Variants in B4GALT7 observed in about 807,000 individuals in gnomAD.
B4GALT7 encodes the protein UDP-Gal:beta-GlcNAc beta-1,4-galactosyltransferase 7.
A neutral mutation model predicts 33.0 loss-of-function variants in B4GALT7; 30 were observed. The ratio of observed to expected loss-of-function variants is 0.91; its 90% confidence interval spans 0.68 to 1.23. The LOEUF is 1.23. Among genes scored for constraint, B4GALT7 ranks in the 50% most tolerant of loss-of-function variants. The probability of loss-of-function intolerance (pLI) is 0.00; values close to 1 mark genes in which losing one functional copy is unlikely to be tolerated. For missense variants in B4GALT7, 507 were observed against 450.8 expected (o/e 1.12, Z -1.13); for synonymous variants, 213 against 187.2 (o/e 1.14, Z -1.13).
At position 177,608,487 on chromosome 5, in the gene B4GALT7, G is replaced by GCCCCC. The variant is rs71585644; in HGVS notation, c.640-45_640-41dup. On this transcript the variant is annotated intron_variant, in intron 3 of 5. Coordinates refer to ENST00000029410, the MANE Select transcript of B4GALT7 (RefSeq NM_007255.3). This position sits in a 1 kb window ranked among gnomAD's most constrained non-coding sequence, Gnocchi z 4.1. Reference sequence around the variant, plus strand: ...ACTCCCGAGCGGTAGGAGACCAAAGGCCCCCCCCCCCGGGAAGATGGGCCG... The same window carrying GCCCCC: ...ACTCCCGAGCGGTAGGAGACCAAAGGCCCCCCCCCCCCCCCCGGGAAGATGGGCCG... 1.5e-5 allele frequency: 20 copies of GCCCCC among 1,323,458 alleles called. No individual in the cohort carries two copies. The African/African-American group carries it at 2.2e-4, about 14-fold the overall frequency. 82.0% of individuals were successfully genotyped at this position (1,323,458 alleles called of 1,614,324 possible).
In B4GALT7 at chr5:177,607,443, G is replaced by C. The variant is rs1554126778; in HGVS notation, c.555G>C (p.Val185=). 6.2e-7 allele frequency: 1 copy of C among 1,613,924 alleles called. No homozygotes were observed. ...YGFPEAGPFH[V]ASPELHPLYH... is the part of the protein sequence containing the mutation. ...TTCCTGAGGCTGGGCCCTTCCACGT[G>C]GCCTCCCCGGAGCTCCACCCTCTCT... Residue 185 remains valine (V), a synonymous_variant, in exon 3 of 6, where the codon GTG becomes GTC. Coordinates refer to ENST00000029410, the MANE Select transcript of B4GALT7 (RefSeq NM_007255.3).
At chr5:177,604,661 T>C (rs1441967536) in intron 2 of B4GALT7, 120 bp downstream of exon 2, 3 of 1,333,468 alleles carry the variant, frequency 2.2e-6, no homozygotes, top group Non-Finnish European at 3.2e-6. Context: ...CCCCTCTCAC[T>C]GGGTGTGACA....
rs1174249047 is a variant in B4GALT7 at position 177,608,958 on chromosome 5, C to T, written c.772C>T (p.Leu258=). The change falls in exon 5 of 6, where the codon CTG becomes TTG. Residue 258 remains leucine (L), a synonymous_variant. Coordinates refer to ENST00000029410, the MANE Select transcript of B4GALT7 (RefSeq NM_007255.3). This position sits in a 1 kb window ranked among gnomAD's most constrained non-coding sequence, Gnocchi z 4.1. ...ITTGYKTFRH[L]HDPAWRKRDQ... is the part of the protein sequence containing the mutation. Reference sequence around the variant, plus strand: ...AACTGGGTACAAGACATTTCGCCACCTGCATGACCCAGCCTGGCGGAAGAG... The same window carrying T: ...AACTGGGTACAAGACATTTCGCCACTTGCATGACCCAGCCTGGCGGAAGAG... 1 of 1,613,736 alleles carries T rather than the reference C, an allele frequency of 6.2e-7. No homozygotes were observed. The highest frequency in any genetic ancestry group is 8.5e-7 in the Non-Finnish European group (1 of 1,180,018).
Position 177,608,781 on chromosome 5 carries a change from T to C in B4GALT7, c.724-129T>C. 8.9e-7 allele frequency: 1 copy of C among 1,127,888 alleles called. No individual in the cohort carries two copies. The highest frequency in any genetic ancestry group is 2.4e-5 in the East Asian group (1 of 41,288). The allele number at this position is 1,127,888 out of a possible 1,614,324, so 69.9% of individuals were successfully genotyped here. A position where few individuals can be genotyped will look rare whatever the true frequency, so the allele number is the denominator to read the frequency against. On this transcript the variant is annotated intron_variant, in intron 4 of 5. Coordinates refer to ENST00000029410, the MANE Select transcript of B4GALT7 (RefSeq NM_007255.3). This position sits in a 1 kb window ranked among gnomAD's most constrained non-coding sequence, Gnocchi z 4.1. ...TGGTCATCTAGCCAGTTCCTTGCCC[T>C]GTGGGCCCCAGTCTCCTCTCCTGCA...
chr5:177,604,313 G>C lies in B4GALT7; in HGVS notation c.185G>C (p.Arg62Thr). 6.2e-7 allele frequency: 1 copy of C among 1,610,878 alleles called. No individual in the cohort carries two copies. The highest frequency in any genetic ancestry group is 8.5e-7 in the Non-Finnish European group (1 of 1,178,558). ...SCSGDVARAV[R>T]GQGQETSGPP... The stretch of plus-strand genomic sequence containing the variant: ...TCTGGGGACGTGGCCCGGGCAGTCA[G>C]GGGACAAGGGCAGGAGACCTCGGGC... Residue 62 changes from arginine to threonine, a missense_variant, in exon 2 of 6, where the codon AGG becomes ACG. Transcript: ENST00000029410.
At chr5:177,607,846 C>T (rs545194459) in intron 3 of B4GALT7, 4 of 449,078 alleles carry the variant, frequency 8.9e-6, no homozygotes, top group South Asian at 2.2e-5. Context: ...TCTCCCAGCT[C>T]TCCTTCCCTG....
rs1767925311 is a variant in B4GALT7 at position 177,604,410 on chromosome 5, C to T, written c.282C>T (p.Arg94=). Residue 94 remains arginine (R), a synonymous_variant, in exon 2 of 6, where the codon CGC becomes CGT. Coordinates refer to ENST00000029410, the MANE Select transcript of B4GALT7 (RefSeq NM_007255.3). ...AAGACGCATCCTGGGGCCCCCACCG[C>T]CTGGCAGTGCTGGTGCCCTTCCGCG... ...WEEDASWGPH[R]LAVLVPFRER... The T allele has an allele frequency of 2.5e-6, 4 of 1,613,776 alleles. No individual in the cohort carries two copies. Among genetic ancestry groups the T allele is most frequent in the Non-Finnish European group, 3.4e-6 (4 of 1,179,898 alleles).
Position 177,606,807 on chromosome 5 carries a change from G to T in B4GALT7, c.414-495G>T. 2 of 231,520 alleles carry T rather than the reference G, an allele frequency of 8.6e-6. No homozygotes were observed. Among genetic ancestry groups the T allele is most frequent in the South Asian group, 6.0e-5 (1 of 16,624 alleles). The allele number at this position is 231,520 out of a possible 1,614,324, so 14.3% of individuals were successfully genotyped here. ...CCCAGCTGCCCGTTGGTCTGCTCCT[G>T]CCTCCTGCCGTGGCAGTGCCATCTC... On this transcript the variant is annotated intron_variant, in intron 2 of 5. Transcript: ENST00000029410. The surrounding 1 kb of genome is among the most constrained non-coding windows in gnomAD (Gnocchi z 4.2).
At chr5:177,609,467 G>T in intron 5 of B4GALT7, 73 bp from the exon 6 acceptor site, 2 of 1,577,828 alleles carry the variant, frequency 1.3e-6, no homozygotes, top group Non-Finnish European at 1.7e-6. Context: ...TGATGGCGAG[G>T]TTGTGTGGGG....
intron 2 of B4GALT7, 173 bp from the exon 3 acceptor site, chr5:177,607,129 A>G: frequency 1.5e-6 from 1 of 679,522 alleles, no homozygotes. Context: ...TTTCTGGCAC[A>G]TAGTGGGTGC....
rs997017598 is a variant in B4GALT7, at chr5:177,600,296, C to G, written c.50+36C>G. On this transcript the variant is annotated intron_variant, in intron 1 of 5. Coordinates refer to ENST00000029410, the MANE Select transcript of B4GALT7 (RefSeq NM_007255.3). The surrounding 1 kb of genome is among the most constrained non-coding windows in gnomAD (Gnocchi z 4.4). Reference sequence around the variant, plus strand: ...GCGGTGGGCCCGGGCCCCGTCCTCCCGGGCGCCGCTCCCTTCTCGGCCGCC... The same window carrying G: ...GCGGTGGGCCCGGGCCCCGTCCTCCGGGGCGCCGCTCCCTTCTCGGCCGCC... 1 of 1,294,498 alleles carries G rather than the reference C, an allele frequency of 7.7e-7. No homozygotes were observed. Among genetic ancestry groups the G allele is most frequent in the Non-Finnish European group, 9.8e-7 (1 of 1,017,784 alleles). The allele number at this position is 1,294,498 out of a possible 1,614,324, so 80.2% of individuals were successfully genotyped here.
At position 177,600,291 on chromosome 5, in the gene B4GALT7, C is replaced by A. The variant is rs1471515908; in HGVS notation, c.50+31C>A. On this transcript the variant is annotated intron_variant, in intron 1 of 5. Transcript: ENST00000029410. The surrounding 1 kb of genome is among the most constrained non-coding windows in gnomAD (Gnocchi z 4.4). ...CGGCGGCGGTGGGCCCGGGCCCCGTCCTCCCGGGCGCCGCTCCCTTCTCGG... is the reference window on the plus strand; with the variant it reads ...CGGCGGCGGTGGGCCCGGGCCCCGTACTCCCGGGCGCCGCTCCCTTCTCGG... 10 of 1,298,524 alleles carry A rather than the reference C, an allele frequency of 7.7e-6. No homozygotes were observed. The highest frequency in any genetic ancestry group is 1.5e-5 in the African/African-American group (1 of 64,810). The allele number at this position is 1,298,524 out of a possible 1,614,324, so 80.4% of individuals were successfully genotyped here.
At chr5:177,607,021 C>T in intron 2 of B4GALT7, 2 of 525,240 alleles carry the variant, frequency 3.8e-6, no homozygotes, top group Non-Finnish European at 7.0e-6. Context: ...GCTGGCCACG[C>T]TTTGTGTTTG....
At chr5:177,602,827 A>G in intron 1 of B4GALT7, 1 of 983,870 alleles carries the variant, frequency 1.0e-6, no homozygotes, top group Non-Finnish European at 1.2e-6. Context: ...TGAGCAGGGC[A>G]AGGAACAGAT....
rs1767921035 is a variant in B4GALT7, at chr5:177,604,349, C to G, written c.221C>G (p.Ala74Gly). 6.2e-7 allele frequency: 1 copy of G among 1,611,840 alleles called. No individual in the cohort carries two copies. Among genetic ancestry groups the G allele is most frequent in the African/African-American group, 1.3e-5 (1 of 74,862 alleles). The stretch of plus-strand genomic sequence containing the variant: ...CAGGAGACCTCGGGCCCTCCCCGTG[C>G]CTGCCCCCCAGAGCCGCCCCCTGAG... Reference protein sequence around the residue: ...QGQETSGPPRACPPEPPPEHW... With the variant: ...QGQETSGPPRGCPPEPPPEHW... Residue 74 changes from alanine to glycine, a missense_variant, in exon 2 of 6, where the codon GCC becomes GGC. Ala to Gly is a moderately conservative substitution (Grantham distance 60, BLOSUM62 0). Coordinates refer to ENST00000029410, the MANE Select transcript of B4GALT7 (RefSeq NM_007255.3).
chr5:177,605,419 T>C lies in B4GALT7; in HGVS notation c.413+878T>C, dbSNP rs563052349. ...CCCTGCTGGGAGCCTCACTTTCCTC[T>C]GGTCTGTCCACTGCAGCCTTTAAAA... is the stretch of plus-strand genomic sequence containing the variant. On this transcript the variant is annotated intron_variant, in intron 2 of 5. Coordinates refer to ENST00000029410, the MANE Select transcript of B4GALT7 (RefSeq NM_007255.3). 2.0e-5 allele frequency among the ~76,000 whole-genome samples: 3 copies of C among 152,386 alleles called. No homozygotes were observed. The East Asian group carries it at 5.8e-4, about 29-fold the overall frequency.
chr5:177,607,349 A>G lies in B4GALT7; in HGVS notation c.461A>G (p.Asn154Ser). ...LINVGFLESSNSTDYIAMHDV... is the reference protein window; with the variant it reads ...LINVGFLESSSSTDYIAMHDV... ...AACGTGGGCTTCCTGGAGAGCAGCA[A>G]CAGCACGGACTACATTGCCATGCAC... is the stretch of plus-strand genomic sequence containing the variant. Residue 154 changes from asparagine (N) to serine (S), a missense_variant, in exon 3 of 6, where the codon AAC (asparagine) becomes AGC (serine). By Grantham distance (46) the Asn-to-Ser change is conservative. Transcript: ENST00000029410. The G allele has an allele frequency of 1.2e-6, 2 of 1,613,886 alleles. No homozygotes were observed. Among genetic ancestry groups the G allele is most frequent in the East Asian group, 2.2e-5 (1 of 44,876 alleles).
intron 2 of B4GALT7, 70 bp from the exon 3 acceptor site, chr5:177,607,232 C>T (rs901373881): frequency 4.9e-5 from 69 of 1,404,382 alleles, no homozygotes; most frequent in Non-Finnish European, 6.0e-5. Flanking sequence ...TGGGGACCCC[C>T]GGGTGGGTGC....
Position 177,608,657 on chromosome 5 carries a change from G to GC in B4GALT7, c.723+36dup. 6.3e-7 allele frequency: 1 copy of GC among 1,584,294 alleles called. No individual in the cohort carries two copies. The highest frequency in any genetic ancestry group is 1.1e-5 in the South Asian group (1 of 90,408). ...CCCGGGCCCCGCCGCCACCTCAGCTGCGGTGGCTGCCCTGAGATTTTCTTC... is the reference window on the plus strand; with the variant it reads ...CCCGGGCCCCGCCGCCACCTCAGCTGCCGGTGGCTGCCCTGAGATTTTCTTC... On this transcript the variant is annotated intron_variant, in intron 4 of 5. Transcript: ENST00000029410. The surrounding 1 kb of genome is among the most constrained non-coding windows in gnomAD (Gnocchi z 4.1).
Sources: gnomAD v4.1 joint callset for allele counts (sites outside exome capture counted in the v4.1 genomes callset) on GRCh38, gnomAD v4.1.1 for gene constraint, Gnocchi (gnomAD v3.1) non-coding constraint, MANE v1.5 for transcripts, NCBI Gene and HGNC (gene_info 2026-07-23, HGNC 2026-07-21) for gene names.